The following KHDRBS1 variants were observed in gnomAD, a reference collection of about 807,000 sequenced individuals.
KHDRBS1 encodes KH RNA binding domain containing, signal transduction associated 1.
Under a neutral mutation model 48.4 loss-of-function variants are expected in KHDRBS1, and 7 were observed. That is an observed-to-expected ratio of 0.14 (90% confidence interval 0.08 to 0.27). The LOEUF is 0.27. KHDRBS1 is among the 10% of genes least tolerant of loss of function. KHDRBS1 has a pLI of 1.00. For missense variants in KHDRBS1, 458 were observed against 601.2 expected (o/e 0.76, Z 2.49); for synonymous variants, 241 against 235.8 (o/e 1.02, Z -0.20).
intron 10 of KHDRBS1, among the ~76,000 whole-genome samples, chr1:32,053,315 T>A (rs1639444957): frequency 6.6e-6 from 1 of 152,226 alleles, no homozygotes; most frequent in African/African-American, 2.4e-5. Flanking sequence ...ATTTAAAGGA[T>A]AATCAAAATT....
At chr1:32,045,533 C>T (rs538432421), downstream of KHDRBS1, 1 of 152,630 alleles carries the variant, frequency 6.6e-6, no homozygotes, top group East Asian at 1.9e-4. Context: ...CATGACCACA[C>T]TTACATGTCC....
At chr1:32,015,689 T>C (rs1323355953) in intron 1 of KHDRBS1, among the ~76,000 whole-genome samples, 2 of 152,186 alleles carry the variant, frequency 1.3e-5, no homozygotes, top group African/African-American at 2.4e-5. Context: ...CAACTGAAAT[T>C]GGAGAAATGT....
At chr1:32,038,657 G>C in intron 7 of KHDRBS1, 38 bp downstream of exon 7, 1 of 1,586,418 alleles carries the variant, frequency 6.3e-7, no homozygotes, top group Non-Finnish European at 8.7e-7. Context: ...TTTGTCCTGA[G>C]GATGGATGGA....
intron 1 of KHDRBS1, 63 bp from the exon 2 acceptor site, chr1:32,030,235 T>C: frequency 7.0e-7 from 1 of 1,427,920 alleles, no homozygotes. Flanking sequence ...GTTATTGCTT[T>C]AAGCAGACTT....
intron 1 of KHDRBS1, among the ~76,000 whole-genome samples, chr1:32,024,899 A>G (rs1057044027): frequency 2.6e-5 from 4 of 151,700 alleles, no homozygotes; most frequent in African/African-American, 4.8e-5. Flanking sequence ...CAGGAGTTCG[A>G]GGCTGCAGTG....
chr1:32,021,053 A>G (rs2124360543), intron 1 of KHDRBS1, among the ~76,000 whole-genome samples: 1 of 152,304 alleles, frequency 6.6e-6, no homozygotes, highest in South Asian at 2.1e-4. Context: ...TGTTATGGGG[A>G]AAACTAAAGT....
intron 3 of KHDRBS1, among the ~76,000 whole-genome samples, chr1:32,031,979 C>T (rs961000092): frequency 2.0e-5 from 3 of 152,080 alleles, no homozygotes; most frequent in African/African-American, 7.2e-5. Flanking sequence ...AGACAAAAGA[C>T]GCTAAAATGC....
chr1:32,052,488 C>T (rs1639434842), intron 10 of KHDRBS1: 2 of 151,718 alleles, frequency 1.3e-5, no homozygotes, highest in Admixed American at 6.6e-5. Context: ...AGCTCCACCT[C>T]CCAGGTTCAT....
chr1:32,042,616 C>T lies in KHDRBS1; in HGVS notation c.1324C>T (p.Arg442Cys), dbSNP rs746246308. 4.4e-6 allele frequency: 7 copies of T among 1,600,558 alleles called. No individual in the cohort carries two copies. The Admixed American group carries it at 8.3e-5, about 19-fold the overall frequency. ...KGAYREHPYG[R>C]Y Reference sequence around the variant, plus strand: ...AGCATACAGAGAGCACCCATATGGACGTTATTAAAAACAAACATGAGGGGA... The same window carrying T: ...AGCATACAGAGAGCACCCATATGGATGTTATTAAAAACAAACATGAGGGGA... The change falls in exon 9 of 9, where the codon CGT becomes TGT. Residue 442 changes from arginine to cysteine, a missense_variant. Around this residue, in one of 3 missense-constraint regions of KHDRBS1, gnomAD observed 171 missense variants for 228.7 expected, o/e 0.75. Coordinates refer to ENST00000327300, the MANE Select transcript of KHDRBS1 (RefSeq NM_006559.3).
intron 1 of KHDRBS1, among the ~76,000 whole-genome samples, chr1:32,023,036 CT>C (rs1638892909): frequency 6.6e-6 from 1 of 152,098 alleles, no homozygotes; most frequent in African/African-American, 2.4e-5. Flanking sequence ...CGCCCTCTCT[CT>C]TTTTTTCTTA....
chr1:32,057,323 G>T lies in KHDRBS1; in HGVS notation n.1302-2840G>T, dbSNP rs114269850. The stretch of plus-strand genomic sequence containing the variant: ...GCCTCCCAAGTAACTGGGACTATAG[G>T]CAGGTGGCTAATTTTTTCTATTTTT... On this transcript the variant is annotated intron_variant and non_coding_transcript_variant, in intron 10 of 10. Transcript: ENST00000484270. Among the ~76,000 whole-genome samples the T allele has an allele frequency of 6.8e-3, 1,034 of 152,142 alleles. 16 individuals are homozygous for T. Among genetic ancestry groups the T allele is most frequent in the African/African-American group, 0.024 (993 of 41,502 alleles).
At chr1:32,014,847 G>T (rs1484317878) in intron 1 of KHDRBS1, among the ~76,000 whole-genome samples, 1 of 152,212 alleles carries the variant, frequency 6.6e-6, no homozygotes, top group African/African-American at 2.4e-5. Flanking sequence ...GAGGTGGGGT[G>T]AGGCTGGAAT....
rs1569804937 is a variant in KHDRBS1, at chr1:32,037,912, C to A, written c.983C>A (p.Thr328Asn). ...PVRGAITRGA[T>N]VTRGVPPPPT... The stretch of plus-strand genomic sequence containing the variant: ...AGGGGAGCCATCACCAGAGGTGCCA[C>A]TGTGACTCGAGGCGTGCCACCCCCA... Residue 328 changes from threonine to asparagine, a missense_variant, in exon 6 of 9, where the codon ACT (threonine) becomes AAT (asparagine). Thr to Asn is a moderately conservative substitution (Grantham distance 65). Transcript: ENST00000327300. 2.5e-6 allele frequency: 4 copies of A among 1,614,254 alleles called. No individual in the cohort carries two copies. The highest frequency in any genetic ancestry group is 3.4e-6 in the Non-Finnish European group (4 of 1,180,040).
chr1:32,014,677 G>T (rs965339678), intron 1 of KHDRBS1, among the ~76,000 whole-genome samples: 2 of 152,208 alleles, frequency 1.3e-5, no homozygotes, highest in African/African-American at 4.8e-5. Flanking sequence ...TCCTCTTGCG[G>T]CTGCCGGGCG....
In KHDRBS1 at chr1:32,035,254, G is replaced by A. The variant is rs765648317; in HGVS notation, c.772-1656G>A. Among the ~76,000 whole-genome samples, 134 of 152,128 alleles carry A rather than the reference G, an allele frequency of 8.8e-4. 3 individuals carry two copies. The highest frequency in any genetic ancestry group is 1.0e-3 in the South Asian group (5 of 4,814). On this transcript the variant is annotated intron_variant, in intron 4 of 8. Coordinates refer to ENST00000327300, the MANE Select transcript of KHDRBS1 (RefSeq NM_006559.3). ...AAAAAGATGCTTGCCGGGGAGATGTGGGTTTCCTCAGTGTTGATGTGGCAG... is the reference window on the plus strand; with the variant it reads ...AAAAAGATGCTTGCCGGGGAGATGTAGGTTTCCTCAGTGTTGATGTGGCAG...
rs1639300099 is a variant in KHDRBS1 at position 32,042,585 on chromosome 1, G to A, written c.1293G>A (p.Val431=). 1 of 1,613,486 alleles carries A rather than the reference G, an allele frequency of 6.2e-7. No homozygotes were observed. Among genetic ancestry groups the A allele is most frequent in the Non-Finnish European group, 8.5e-7 (1 of 1,179,564 alleles). Residue 431 remains valine, a synonymous_variant, in exon 9 of 9, where the codon GTG becomes GTA. Transcript: ENST00000327300. ...TGAAGGCCCCTCCTGCTAGGCCAGT[G>A]AAGGGAGCATACAGAGAGCACCCAT... ...PSLKAPPARP[V]KGAYREHPYG... is the part of the protein sequence containing the mutation.
intron 10 of KHDRBS1, chr1:32,052,485 C>T (rs1359525203): frequency 6.6e-6 from 1 of 151,698 alleles, no homozygotes; most frequent in Non-Finnish European, 1.5e-5. Flanking sequence ...GCAAGCTCCA[C>T]CTCCCAGGTT....
At chr1:32,034,804 C>T (rs1003675720) in intron 4 of KHDRBS1, among the ~76,000 whole-genome samples, 14 of 150,138 alleles carry the variant, frequency 9.3e-5, no homozygotes, top group Admixed American at 5.3e-4. Context: ...GGTGAAACCC[C>T]GTCTCTACTA....
At chr1:32,018,419 C>T (rs777518242) in intron 1 of KHDRBS1, among the ~76,000 whole-genome samples, 12 of 151,842 alleles carry the variant, frequency 7.9e-5, no homozygotes, top group Non-Finnish European at 1.8e-4. Context: ...CAAGATCGCA[C>T]CACTGCACTC....
Sources: allele counts gnomAD v4.1 joint callset (sites outside exome capture counted in the v4.1 genomes callset), GRCh38; gene constraint gnomAD v4.1.1; regional missense constraint gnomAD v4.1.1; transcripts MANE v1.5; gene names NCBI Gene and HGNC (gene_info 2026-07-23, HGNC 2026-07-21).